The following ELOVL7 variants were observed in gnomAD, a reference collection of about 807,000 sequenced individuals.
The protein encoded by ELOVL7 is ELOVL fatty acid elongase 7, also known as very long chain fatty acid elongase 7.
A neutral mutation model predicts 35.7 loss-of-function variants in ELOVL7; 27 were observed. The ratio of observed to expected loss-of-function variants is 0.76; its 90% CI spans 0.56 to 1.04. The LOEUF is 1.04. Among genes scored for constraint, ELOVL7 ranks in the 50% least tolerant of loss-of-function variants. The probability of loss-of-function intolerance (pLI) is 0.00; values close to 1 mark genes in which losing one functional copy is unlikely to be tolerated. For missense variants in ELOVL7, 327 were observed against 340.8 expected (o/e 0.96, Z 0.32); for synonymous variants, 113 against 114.6 (o/e 0.99, Z 0.09).
intron 1 of ELOVL7, among the ~76,000 whole-genome samples, chr5:60,818,084 G>A (rs550442607): frequency 2.0e-5 from 3 of 151,846 alleles, no homozygotes; most frequent in African/African-American, 7.2e-5. Context: ...TTGGGAGGCC[G>A]AGGCAGGTGG....
chr5:60,776,582 A>T (rs1742917902), intron 3 of ELOVL7, among the ~76,000 whole-genome samples: 1 of 152,232 alleles, frequency 6.6e-6, no homozygotes, highest in Non-Finnish European at 1.5e-5. Context: ...ACATGAACGT[A>T]GTTGGAGACC....
intron 3 of ELOVL7, among the ~76,000 whole-genome samples, chr5:60,775,175 C>T (rs1742830898): frequency 6.6e-6 from 1 of 152,136 alleles, no homozygotes; most frequent in African/African-American, 2.4e-5. Context: ...GAGCTTGGAA[C>T]AGCTCTTCAA....
chr5:60,764,532 C>T (rs1393911819), intron 6 of ELOVL7, among the ~76,000 whole-genome samples, 200 bp from the exon 7 acceptor site: 2 of 151,896 alleles, frequency 1.3e-5, no homozygotes, highest in African/African-American at 2.4e-5. Context: ...TTAGGTACGA[C>T]GCCTATACAT....
intron 1 of ELOVL7, among the ~76,000 whole-genome samples, chr5:60,812,080 C>T (rs1745268455): frequency 6.6e-6 from 1 of 152,014 alleles, no homozygotes; most frequent in Admixed American, 6.6e-5. Flanking sequence ...ATTAACTGGG[C>T]ATGATGGCAC....
At chr5:60,765,645 CTGGGGG>C (rs1405269670) in intron 6 of ELOVL7, among the ~76,000 whole-genome samples, 1 of 152,048 alleles carries the variant, frequency 6.6e-6, no homozygotes, top group African/African-American at 2.4e-5. Flanking sequence ...ATCAGAAACT[CTGGGGG>C]TGGGGGTCGA....
chr5:60,824,372 C>A (rs968057654), intron 1 of ELOVL7, among the ~76,000 whole-genome samples: 1 of 152,060 alleles, frequency 6.6e-6, no homozygotes, highest in Non-Finnish European at 1.5e-5. Flanking sequence ...GCAGGAGTAA[C>A]GATGGAGAAA....
At chr5:60,804,310 C>T (rs1744807890) in intron 1 of ELOVL7, among the ~76,000 whole-genome samples, 1 of 152,122 alleles carries the variant, frequency 6.6e-6, no homozygotes, top group African/African-American at 2.4e-5. Flanking sequence ...GTCTCTGGTC[C>T]TAACTCATCA....
intron 1 of ELOVL7, among the ~76,000 whole-genome samples, chr5:60,801,695 C>T (rs555841358): frequency 2.6e-5 from 4 of 151,658 alleles, no homozygotes; most frequent in African/African-American, 9.7e-5. Context: ...AGAACAAGAT[C>T]CTGTCTCAAA....
chr5:60,789,007 TCAATC>T (rs1353767792), intron 2 of ELOVL7, among the ~76,000 whole-genome samples: 1 of 151,608 alleles, frequency 6.6e-6, no homozygotes, highest in Non-Finnish European at 1.5e-5. Flanking sequence ...AAAAAAAGGT[TCAATC>T]CAAGTGTTAT....
rs534217918 is a variant in ELOVL7, at chr5:60,815,865, G to C, written c.-85-16635C>G. Among the ~76,000 whole-genome samples the C allele has an allele frequency of 2.0e-5, 3 of 152,302 alleles. No individual in the cohort carries two copies. The East Asian group carries it at 5.8e-4, about 29-fold the overall frequency. On this transcript the variant is annotated intron_variant, in intron 1 of 8. Transcript: ENST00000508821. ...GATGGAATAGTAGAGTTATGATGTAGCTCACAAGTTATGGCAGTTTTTATC... is the reference window on the plus strand; with the variant it reads ...GATGGAATAGTAGAGTTATGATGTACCTCACAAGTTATGGCAGTTTTTATC...
chr5:60,805,641 C>T (rs570694654), intron 1 of ELOVL7, among the ~76,000 whole-genome samples: 2 of 152,200 alleles, frequency 1.3e-5, no homozygotes, highest in African/African-American at 4.8e-5. Flanking sequence ...GGGAAGGATC[C>T]AGCATAAGCC....
At chr5:60,837,501 A>ATGGGG (rs1746896789) in intron 1 of ELOVL7, among the ~76,000 whole-genome samples, 2 of 152,288 alleles carry the variant, frequency 1.3e-5, no homozygotes, top group East Asian at 1.9e-4. Context: ...TGCCTAAAAG[A>ATGGGG]TGACAAACCT....
intron 1 of ELOVL7, among the ~76,000 whole-genome samples, chr5:60,816,308 G>A (rs993565600): frequency 2.6e-5 from 4 of 151,938 alleles, no homozygotes; most frequent in African/African-American, 9.7e-5. Context: ...GGATTCAGAG[G>A]AGGCGGAAGT....
chr5:60,785,694 C>T (rs907850191), intron 3 of ELOVL7: 6 of 152,046 alleles, frequency 3.9e-5, no homozygotes, highest in African/African-American at 1.4e-4. Context: ...AGAAGGATGA[C>T]CCCTAAAGAA....
intron 1 of ELOVL7, 101 bp from the exon 2 acceptor site, chr5:60,799,331 T>C (rs1352847201): frequency 1.3e-5 from 2 of 151,256 alleles, no homozygotes; most frequent in Non-Finnish European, 2.9e-5. Flanking sequence ...GAAAACAATA[T>C]AGATTAGAGT....
intron 7 of ELOVL7, 51 bp downstream of exon 7, chr5:60,764,176 G>C (rs751396218): frequency 8.5e-7 from 1 of 1,181,216 alleles, no homozygotes; most frequent in Non-Finnish European, 1.2e-6. Context: ...TTTGTTTTTA[G>C]CATATAGAAA....
intron 1 of ELOVL7, among the ~76,000 whole-genome samples, chr5:60,842,496 T>TAAAA (rs35647484): frequency 7.1e-6 from 1 of 140,032 alleles, no homozygotes. Flanking sequence ...CTATTTTTCT[T>TAAAA]AAAAAAAAAA....
intron 3 of ELOVL7, among the ~76,000 whole-genome samples, chr5:60,775,261 G>T (rs1054711034): frequency 6.6e-6 from 1 of 151,972 alleles, no homozygotes; most frequent in Non-Finnish European, 1.5e-5. Flanking sequence ...AAACACATAG[G>T]AATACATCTA....
At chr5:60,810,601 C>T (rs1158272129) in intron 1 of ELOVL7, among the ~76,000 whole-genome samples, 1 of 152,160 alleles carries the variant, frequency 6.6e-6, no homozygotes, top group African/African-American at 2.4e-5. Flanking sequence ...TACTGATATT[C>T]CACTCTTGTG....
Sources: gnomAD v4.1 joint callset for allele counts (sites outside exome capture counted in the v4.1 genomes callset) on GRCh38, gnomAD v4.1.1 for gene constraint, MANE v1.5 for transcripts, NCBI Gene and HGNC (gene_info 2026-07-23, HGNC 2026-07-21) for gene names.